Variants in CLOCK observed in about 807,000 individuals in gnomAD.
CLOCK encodes clock circadian regulator.
Under a neutral mutation model 118.4 loss-of-function variants are expected in CLOCK, and 43 were observed. The ratio of observed to expected loss-of-function variants is 0.36; its 90% CI spans 0.28 to 0.47. CLOCK has a LOEUF of 0.47. Among genes scored for constraint, CLOCK ranks in the 20% least tolerant of loss-of-function variants. The pLI is 1.00. For missense variants in CLOCK, 846 were observed against 999.9 expected, an observed-to-expected ratio of 0.85 and a Z score of 2.08; for synonymous variants, 326 against 339.2, an observed-to-expected ratio of 0.96 and a Z score of 0.43.
intron 18 of CLOCK, among the ~76,000 whole-genome samples, chr4:55,446,022 A>ATC (rs913669982): frequency 6.6e-6 from 1 of 151,512 alleles, no homozygotes; most frequent in African/African-American, 2.4e-5. Flanking sequence ...TGGATACTTG[A>ATC]CTGATTACAC....
Position 55,435,379 on chromosome 4 carries a change from C to A in CLOCK, c.*36G>T. On this transcript the variant is annotated 3_prime_UTR_variant, in exon 23 of 23. Coordinates refer to ENST00000513440, the MANE Select transcript of CLOCK (RefSeq NM_004898.4). ...TGAGTAACTCTTAATGGGCCATCCC[C>A]TTCCTCCCTTGATGTCAAGAGAGGA... The A allele has an allele frequency of 1.9e-6, 3 of 1,612,610 alleles. No homozygotes were observed. The highest frequency in any genetic ancestry group is 2.5e-6 in the Non-Finnish European group (3 of 1,179,004).
chr4:55,469,637 A>G (rs1232935082), intron 8 of CLOCK, among the ~76,000 whole-genome samples: 1 of 152,232 alleles, frequency 6.6e-6, no homozygotes, highest in East Asian at 1.9e-4. Context: ...AAAGTTAAAA[A>G]AAGTTTTTTA....
At chr4:55,493,404 T>C (rs1727853133) in intron 2 of CLOCK, among the ~76,000 whole-genome samples, 1 of 152,184 alleles carries the variant, frequency 6.6e-6, no homozygotes, top group Non-Finnish European at 1.5e-5. Context: ...GACGGATCTA[T>C]TAACATTAAT....
intron 2 of CLOCK, among the ~76,000 whole-genome samples, chr4:55,499,945 T>C (rs1434933195): frequency 6.6e-6 from 1 of 152,216 alleles, no homozygotes; most frequent in Non-Finnish European, 1.5e-5. Flanking sequence ...AGAGTTCTCT[T>C]TCCCAATTCC....
Position 55,445,582 on chromosome 4 carries a change from C to CTTTTTTTTTT in CLOCK, c.1540-807_1540-798dup, listed in dbSNP as rs56157186. Among the ~76,000 whole-genome samples, 49 of 68,590 alleles carry CTTTTTTTTTT rather than the reference C, an allele frequency of 7.1e-4. 7 individuals are homozygous for CTTTTTTTTTT. Among genetic ancestry groups the CTTTTTTTTTT allele is most frequent in the Non-Finnish European group, 8.5e-4 (31 of 36,616 alleles). The allele number at this position is 68,590 out of a possible 152,430, so 45.0% of individuals were successfully genotyped here. ...TCTCTGCATCTGCTATTTCTATATT[C>CTTTTTTTTTT]TTTTTTTTTTTTTTTTTTTTTTTTT... On this transcript the variant is annotated intron_variant, in intron 18 of 22. Coordinates refer to ENST00000513440, the MANE Select transcript of CLOCK (RefSeq NM_004898.4).
rs762926525 is a variant in CLOCK, at chr4:55,513,086, A to G, written c.-289-3021T>C. Among the ~76,000 whole-genome samples, 6 of 152,104 alleles carry G rather than the reference A, an allele frequency of 3.9e-5. 1 individual carries two copies. The South Asian group carries it at 1.2e-3, about 31-fold the overall frequency. Reference sequence around the variant, plus strand: ...TACAGTAGTGTACCCTAATGTCCTAAGCCTTCACATTCAATCATCACTCAC... The same window carrying G: ...TACAGTAGTGTACCCTAATGTCCTAGGCCTTCACATTCAATCATCACTCAC... On this transcript the variant is annotated intron_variant, in intron 1 of 22. Transcript: ENST00000513440.
rs1239323620 is a variant in CLOCK, at chr4:55,442,568, G to C, written c.1969C>G (p.Leu657Val). The change falls in exon 21 of 23, where the codon CTT becomes GTT. Residue 657 changes from leucine to valine, a missense_variant. This residue lies in a region of CLOCK where 520 missense variants were observed against 558.0 expected (regional missense o/e 0.93). Transcript: ENST00000513440. ...ATAGTGTTATACAGTGGGGCTGTAA[G>C]AGTGCTCTGTGTCTGACTGGGTAGA... ...TSLPSQTQSTLTAPLYNTMVI... is the reference protein window; with the variant it reads ...TSLPSQTQSTVTAPLYNTMVI... 1 of 1,612,238 alleles carries C rather than the reference G, an allele frequency of 6.2e-7. No individual in the cohort carries two copies. The highest frequency in any genetic ancestry group is 1.1e-5 in the South Asian group (1 of 90,914).
At chr4:55,506,606 C>T (rs1728811146) in intron 2 of CLOCK, among the ~76,000 whole-genome samples, 1 of 151,730 alleles carries the variant, frequency 6.6e-6, no homozygotes, top group South Asian at 2.1e-4. Flanking sequence ...TGGAGTCTCG[C>T]TCTGTCCAGG....
chr4:55,449,076 C>G (rs1458855644), intron 17 of CLOCK, among the ~76,000 whole-genome samples: 3 of 151,866 alleles, frequency 2.0e-5, no homozygotes, highest in Non-Finnish European at 4.4e-5. Context: ...CCTACAGTAC[C>G]TTGAACAAGC....
In CLOCK at chr4:55,431,166, G is replaced by A. The variant is rs1722476315; in HGVS notation, c.*4249C>T. 6.6e-6 allele frequency: 1 copy of A among 152,140 alleles called. No individual in the cohort carries two copies. The highest frequency in any genetic ancestry group is 1.5e-5 in the Non-Finnish European group (1 of 68,022). The allele number at this position is 152,140 out of a possible 1,614,324, so 9.4% of individuals were successfully genotyped here. On this transcript the variant is annotated 3_prime_UTR_variant, in exon 23 of 23. Transcript: ENST00000513440. Reference sequence around the variant, plus strand: ...GTGGTATGTTGTTTTAAAAGTGTGTGCTATTCCTTCCGTAAAGGATCCCCA... The same window carrying A: ...GTGGTATGTTGTTTTAAAAGTGTGTACTATTCCTTCCGTAAAGGATCCCCA...
In CLOCK at chr4:55,433,332, G is replaced by A. The variant is rs1212360822; in HGVS notation, c.*2083C>T. ...ATTGATATCTAGTCACACTTCTTTT[G>A]TAGAAGGGTAAGTACCAATTTTCTT... On this transcript the variant is annotated 3_prime_UTR_variant, in exon 23 of 23. Coordinates refer to ENST00000513440, the MANE Select transcript of CLOCK (RefSeq NM_004898.4). The A allele has an allele frequency of 6.6e-6, 1 of 152,616 alleles. No individual in the cohort carries two copies. The highest frequency in any genetic ancestry group is 1.5e-5 in the Non-Finnish European group (1 of 68,016). 9.5% of individuals were successfully genotyped at this position (152,616 alleles called of 1,614,324 possible). A position where few individuals can be genotyped will look rare whatever the true frequency, so the allele number is the denominator to read the frequency against.
At chr4:55,533,175 C>T (rs952449778) in intron 1 of CLOCK, among the ~76,000 whole-genome samples, 5 of 152,140 alleles carry the variant, frequency 3.3e-5, no homozygotes, top group Non-Finnish European at 2.9e-5. Context: ...CCAAACCAGT[C>T]TTGAAAAACC....
At chr4:55,494,232 C>T (rs1265448359) in intron 2 of CLOCK, among the ~76,000 whole-genome samples, 2 of 152,146 alleles carry the variant, frequency 1.3e-5, no homozygotes, top group African/African-American at 2.4e-5. Context: ...TACGACTCTA[C>T]ACCTGGCCTT....
At chr4:55,457,605 A>G (rs375868897) in intron 11 of CLOCK, among the ~76,000 whole-genome samples, 55 of 152,176 alleles carry the variant, frequency 3.6e-4, no homozygotes, top group African/African-American at 1.3e-3. Context: ...AGAAAGAAAC[A>G]AATTTTATTT....
At chr4:55,448,602 G>GC (rs1553891251) in intron 18 of CLOCK, among the ~76,000 whole-genome samples, 177 bp downstream of exon 18, 20 of 14,384 alleles carry the variant, frequency 1.4e-3, no homozygotes, top group African/African-American at 0.01. Context: ...GCACGCGCGC[G>GC]TGTGTGTGTG....
intron 2 of CLOCK, among the ~76,000 whole-genome samples, chr4:55,491,963 T>A (rs73236148): frequency 2.0e-5 from 3 of 152,158 alleles, no homozygotes; most frequent in Non-Finnish European, 4.4e-5. Context: ...CACTGAAGAA[T>A]TCTACCAAAC....
At chr4:55,456,939 C>G (rs1724961987) in intron 11 of CLOCK, among the ~76,000 whole-genome samples, 1 of 152,154 alleles carries the variant, frequency 6.6e-6, no homozygotes, top group Non-Finnish European at 1.5e-5. Flanking sequence ...CACAGCCTCC[C>G]AAAGTGCTGG....
rs897501629 is a variant in CLOCK, at chr4:55,431,274, T to C, written c.*4141A>G. The C allele has an allele frequency of 3.9e-5, 6 of 152,180 alleles. No individual in the cohort carries two copies. The highest frequency in any genetic ancestry group is 4.8e-5 in the African/African-American group (2 of 41,422). The allele number at this position is 152,180 out of a possible 1,614,324, so 9.4% of individuals were successfully genotyped here. A position where few individuals can be genotyped will look rare whatever the true frequency, so the allele number is the denominator to read the frequency against. ...AGGCTGACAATAGGCACATTACCCA[T>C]GCGGATGAGGCTATACTAGTGCTAT... On this transcript the variant is annotated 3_prime_UTR_variant, in exon 23 of 23. Transcript: ENST00000513440.
At chr4:55,458,725 ATTAG>A (rs1725093631) in intron 11 of CLOCK, among the ~76,000 whole-genome samples, 163 bp downstream of exon 11, 1 of 152,206 alleles carries the variant, frequency 6.6e-6, no homozygotes, top group Non-Finnish European at 1.5e-5. Flanking sequence ...ATACTAAAAA[ATTAG>A]TTATACAATT....
Sources: allele counts gnomAD v4.1 joint callset (sites outside exome capture counted in the v4.1 genomes callset), GRCh38; gene constraint gnomAD v4.1.1; regional missense constraint gnomAD v4.1.1; transcripts MANE v1.5; gene names NCBI Gene and HGNC (gene_info 2026-07-23, HGNC 2026-07-21).